Variants in TSEN54 observed in about 807,000 individuals in gnomAD.
The protein encoded by TSEN54 is tRNA splicing endonuclease subunit 54.
A neutral mutation model predicts 61.9 loss-of-function variants in TSEN54; 55 were observed. The observed-to-expected ratio is 0.89, with a 90% confidence interval of 0.72 to 1.11. The LOEUF (loss-of-function observed/expected upper bound fraction) is 1.11. TSEN54 is among the 50% of genes most tolerant of loss of function. The probability of loss-of-function intolerance (pLI) is 0.00; values close to 1 mark genes in which losing one functional copy is unlikely to be tolerated. For missense variants in TSEN54, 760 were observed against 687.7 expected, an observed-to-expected ratio of 1.11 and a Z score of -1.18; for synonymous variants, 304 against 288.7, an observed-to-expected ratio of 1.05 and a Z score of -0.54.
chr17:75,517,321 C>A, intron 4 of TSEN54, 77 bp downstream of exon 4: 1 of 1,493,442 alleles, frequency 6.7e-7, no homozygotes, highest in Non-Finnish European at 9.1e-7. Flanking sequence ...AGAAAAAGCA[C>A]ACACAACCCG....
intron 8 of TSEN54, chr17:75,522,874 TAAA>T (rs58545411): frequency 4.9e-3 from 1,285 of 261,620 alleles, no homozygotes; most frequent in South Asian, 8.4e-3. Flanking sequence ...ATGCTTATAC[TAAA>T]AAAAAAAAAA....
intron 6 of TSEN54, among the ~76,000 whole-genome samples, chr17:75,520,434 AAATC>A (rs1291913824): frequency 1.8e-4 from 27 of 147,652 alleles, no homozygotes; most frequent in African/African-American, 3.5e-4. Context: ...AAAAAAAAAA[AAATC>A]AGCCAGGTGT....
chr17:75,517,155 A>G lies in TSEN54; in HGVS notation c.286-6A>G. 6.9e-7 allele frequency: 1 copy of G among 1,458,298 alleles called. No individual in the cohort carries two copies. The highest frequency in any genetic ancestry group is 9.2e-7 in the Non-Finnish European group (1 of 1,090,980). The allele number at this position is 1,458,298 out of a possible 1,614,324, so 90.3% of individuals were successfully genotyped here. A position where few individuals can be genotyped will look rare whatever the true frequency, so the allele number is the denominator to read the frequency against. On this transcript the variant is annotated splice_polypyrimidine_tract_variant and splice_region_variant and intron_variant, in intron 3 of 10. Coordinates refer to ENST00000333213, the MANE Select transcript of TSEN54 (RefSeq NM_207346.3). ...CCTTGTGACACTTGCTCTGGGCCCC[A>G]CACAGGGCAAATTCTGGCAGACCAT...
chr17:75,517,514 T>A (rs1452044913), intron 4 of TSEN54, 43 bp from the exon 5 acceptor site: 2 of 1,552,048 alleles, frequency 1.3e-6, no homozygotes, highest in South Asian at 2.2e-5. Context: ...TCTGTGGCAC[T>A]GTAGTGAGGG....
Position 75,521,849 on chromosome 17 carries a change from C to T in TSEN54, c.768C>T (p.Gly256=), listed in dbSNP as rs1568003262. Residue 256 remains glycine (G), a synonymous_variant, in exon 8 of 11, where the codon GGC becomes GGT. Transcript: ENST00000333213. The stretch of plus-strand genomic sequence containing the variant: ...CAAGCCCCATGAAGGGCCCAGGGGG[C>T]CCCTTTCAGCTTCTGGGGTCCCTGG... ...QESSPMKGPG[G]PFQLLGSLGP... is the part of the protein sequence containing the mutation. The T allele has an allele frequency of 1.2e-6, 2 of 1,612,234 alleles. No individual in the cohort carries two copies. The highest frequency in any genetic ancestry group is 1.3e-5 in the African/African-American group (1 of 75,004).
In TSEN54 at chr17:75,524,472, G is replaced by A; in HGVS notation, c.*60G>A. On this transcript the variant is annotated 3_prime_UTR_variant, in exon 11 of 11. Coordinates refer to ENST00000333213, the MANE Select transcript of TSEN54 (RefSeq NM_207346.3). ...GGGGACCGGGACTGTCTGTTCTCAG[G>A]GACCATCTCGGCTGCCTCCTGTACC... The A allele has an allele frequency of 1.2e-6, 2 of 1,606,440 alleles. No homozygotes were observed. Among genetic ancestry groups the A allele is most frequent in the Non-Finnish European group, 1.7e-6 (2 of 1,176,332 alleles).
intron 9 of TSEN54, 65 bp from the exon 10 acceptor site, chr17:75,523,598 G>A (rs190352999): frequency 5.8e-4 from 935 of 1,614,054 alleles, no homozygotes; most frequent in Non-Finnish European, 6.6e-4. Flanking sequence ...GAGGGAAAGG[G>A]TGGGATGGAA....
chr17:75,518,453 G>T (rs2053396013), intron 5 of TSEN54: 1 of 905,958 alleles, frequency 1.1e-6, no homozygotes, highest in African/African-American at 1.8e-5. Flanking sequence ...GAAGCCAAAA[G>T]AAGGTCTTTC....
chr17:75,520,309 C>G (rs1007856873), intron 6 of TSEN54, among the ~76,000 whole-genome samples: 3 of 152,004 alleles, frequency 2.0e-5, no homozygotes, highest in African/African-American at 7.3e-5. Context: ...GTGGCTCACG[C>G]CTATAATCCC....
intron 6 of TSEN54, among the ~76,000 whole-genome samples, chr17:75,520,046 T>G (rs1395156417): frequency 6.6e-6 from 1 of 152,166 alleles, no homozygotes; most frequent in Non-Finnish European, 1.5e-5. Context: ...AGCTTGCATT[T>G]AGTGAGGAGT....
rs398124622 is a variant in TSEN54, at chr17:75,516,562, T to TGGAGCC, written c.3_8dup (p.Glu6_Pro7dup). On this transcript the variant is annotated inframe_insertion, in exon 1 of 11. Coordinates refer to ENST00000333213, the MANE Select transcript of TSEN54 (RefSeq NM_207346.3). ...CGCGCAGCGGCAGGCGGCGGCGGGA[T>TGGAGCC]GGAGCCCGAGCCCGAGCCCGCGGCC... The TGGAGCC allele has an allele frequency of 0.065, 74,588 of 1,141,802 alleles. 2,608 individuals carry two copies. The highest frequency in any genetic ancestry group is 0.097 in the Middle Eastern group (265 of 2,726). The allele number at this position is 1,141,802 out of a possible 1,614,324, so 70.7% of individuals were successfully genotyped here.
At chr17:75,516,663 C>G in intron 1 of TSEN54, 47 bp downstream of exon 1, 1 of 1,270,370 alleles carries the variant, frequency 7.9e-7, no homozygotes. Context: ...GCGGGGCCAG[C>G]GCGGGTAGGG....
rs2053385393 is a variant in TSEN54, at chr17:75,517,488, G to A, written c.370-69G>A. On this transcript the variant is annotated intron_variant, in intron 4 of 10. Coordinates refer to ENST00000333213, the MANE Select transcript of TSEN54 (RefSeq NM_207346.3). Reference sequence around the variant, plus strand: ...GGGGAGGGGGAGGTATCAGAGCTGGGAAGTTGCCCCATTCCTCTGTGGCAC... The same window carrying A: ...GGGGAGGGGGAGGTATCAGAGCTGGAAAGTTGCCCCATTCCTCTGTGGCAC... 2.8e-6 allele frequency: 4 copies of A among 1,415,216 alleles called. No homozygotes were observed. The Admixed American group carries it at 5.0e-5, about 18-fold the overall frequency. 87.7% of individuals were successfully genotyped at this position (1,415,216 alleles called of 1,614,324 possible).
intron 7 of TSEN54, 44 bp downstream of exon 7, chr17:75,521,554 T>A: frequency 6.2e-7 from 1 of 1,602,074 alleles, no homozygotes; most frequent in Non-Finnish European, 8.6e-7. Context: ...TGCTGGTGTC[T>A]GGGACCTTGG....
At position 75,521,849 on chromosome 17, in the gene TSEN54, C is replaced by G. The variant is rs1568003262; in HGVS notation, c.768C>G (p.Gly256=). 6.2e-7 allele frequency: 1 copy of G among 1,612,116 alleles called. No individual in the cohort carries two copies. Among genetic ancestry groups the G allele is most frequent in the Non-Finnish European group, 8.5e-7 (1 of 1,179,660 alleles). The change falls in exon 8 of 11, where the codon GGC becomes GGG. Residue 256 remains glycine, a synonymous_variant. Coordinates refer to ENST00000333213, the MANE Select transcript of TSEN54 (RefSeq NM_207346.3). ...QESSPMKGPG[G]PFQLLGSLGP... is the part of the protein sequence containing the mutation. Reference sequence around the variant, plus strand: ...CAAGCCCCATGAAGGGCCCAGGGGGCCCCTTTCAGCTTCTGGGGTCCCTGG... The same window carrying G: ...CAAGCCCCATGAAGGGCCCAGGGGGGCCCTTTCAGCTTCTGGGGTCCCTGG...
chr17:75,517,310 G>A, intron 4 of TSEN54, 66 bp downstream of exon 4: 1 of 1,528,484 alleles, frequency 6.5e-7, no homozygotes, highest in Non-Finnish European at 8.9e-7. Flanking sequence ...CGTTTTATCG[G>A]AGAAAAAGCA....
At chr17:75,517,341 G>A in intron 4 of TSEN54, 97 bp downstream of exon 4, 1 of 1,432,346 alleles carries the variant, frequency 7.0e-7, no homozygotes, top group Non-Finnish European at 9.6e-7. Flanking sequence ...GGTCTTTAGA[G>A]AACTGATAAC....
rs1239973179 is a variant in TSEN54, at chr17:75,516,873, C to T, written c.184C>T (p.Leu62Phe). Reference protein sequence around the residue: ...AERLRRCREELWQLLAEQRVE... With the variant: ...AERLRRCREEFWQLLAEQRVE... ...GCGGCTGCGCCGGTGCCGGGAAGAG[C>T]TCTGGCAGCTGCTGGCAGAGCAGCG... Residue 62 changes from leucine to phenylalanine, a missense_variant, in exon 2 of 11, where the codon CTC becomes TTC. Leu to Phe is a conservative substitution (Grantham distance 22, BLOSUM62 0). Transcript: ENST00000333213. 4 of 1,561,262 alleles carry T rather than the reference C, an allele frequency of 2.6e-6. No homozygotes were observed. Among genetic ancestry groups the T allele is most frequent in the Non-Finnish European group, 3.4e-6 (4 of 1,160,124 alleles).
intron 6 of TSEN54, among the ~76,000 whole-genome samples, chr17:75,519,739 T>C (rs532564196): frequency 6.6e-6 from 1 of 151,906 alleles, no homozygotes; most frequent in African/African-American, 2.4e-5. Context: ...ATTTTTTTAT[T>C]TTATTTTATT....
Sources: allele counts gnomAD v4.1 joint callset (sites outside exome capture counted in the v4.1 genomes callset), GRCh38; gene constraint gnomAD v4.1.1; transcripts MANE v1.5; gene names NCBI Gene and HGNC (gene_info 2026-07-23, HGNC 2026-07-21).